Variants in PCGF3 observed in about 807,000 individuals in gnomAD.
The protein encoded by PCGF3 is polycomb group RING finger protein 3.
A neutral mutation model predicts 33.1 loss-of-function variants in PCGF3; 7 were observed. The observed-to-expected ratio is 0.21, with a 90% CI of 0.12 to 0.40. The LOEUF is 0.40. Ranked by LOEUF, PCGF3 falls within the 10% of genes least tolerant of loss-of-function variation. The probability of loss-of-function intolerance (pLI) is 1.00; values close to 1 mark genes in which losing one functional copy is unlikely to be tolerated. For synonymous variants in PCGF3, 153 were observed against 121.3 expected, an observed-to-expected ratio of 1.26 and a Z score of -1.72; for missense variants, 211 against 313.3, an observed-to-expected ratio of 0.67 and a Z score of 2.46.
chr4:709,836 C>T (rs1189872077), intron 1 of PCGF3, among the ~76,000 whole-genome samples: 1 of 152,242 alleles, frequency 6.6e-6, no homozygotes, highest in Non-Finnish European at 1.5e-5. Context: ...CCTGCGTGGT[C>T]AGCCTGGACC....
exon 7 of PCGF3, chr4:743,501 A>C: frequency 6.2e-7 from 1 of 1,613,082 alleles, no homozygotes; most frequent in South Asian, 1.1e-5. Context: ...AGGGAGTTCT[A>C]TCACAAATTG....
chr4:768,744 C>T (rs1196820610), exon 11 of PCGF3: 1 of 152,414 alleles, frequency 6.6e-6, no homozygotes, highest in African/African-American at 2.4e-5. Flanking sequence ...TCATATTTTC[C>T]CATCCAATTG....
At chr4:708,165 C>T (rs1285139884) in intron 1 of PCGF3, among the ~76,000 whole-genome samples, 1 of 152,124 alleles carries the variant, frequency 6.6e-6, no homozygotes, top group Non-Finnish European at 1.5e-5. Flanking sequence ...GAGAAGGGCT[C>T]ATGACATGGA....
chr4:717,350 G>T (rs1203028607), intron 1 of PCGF3, among the ~76,000 whole-genome samples: 1 of 151,862 alleles, frequency 6.6e-6, no homozygotes, highest in Non-Finnish European at 1.5e-5. Context: ...GTGAGAACTG[G>T]GTGTCAGTGC....
At chr4:743,356 A>G (rs982239434) in intron 6 of PCGF3, 118 bp from the exon 7 acceptor site, 22 of 650,076 alleles carry the variant, frequency 3.4e-5, no homozygotes, top group Non-Finnish European at 6.1e-5. Context: ...CTTTCTTATT[A>G]GTAGCCTTCA....
chr4:758,450 C>T (rs1379402320), intron 8 of PCGF3, among the ~76,000 whole-genome samples: 1 of 140,460 alleles, frequency 7.1e-6, no homozygotes, highest in Non-Finnish European at 1.6e-5. Flanking sequence ...TCTTCTCCTT[C>T]CGGACTCCGG....
In PCGF3 at chr4:720,416, G is replaced by C. The variant is rs921736170; in HGVS notation, c.-189-10214G>C. ...AGAGCAGCAGAGTGGTTTCAGCTCC[G>C]GGAGGTGGGGCTGCCCGTCCAGAGA... On this transcript the variant is annotated intron_variant, in intron 1 of 10. Transcript: ENST00000362003. This position sits in a 1 kb window ranked among gnomAD's most constrained non-coding sequence, Gnocchi z 5.6. Among the ~76,000 whole-genome samples the C allele has an allele frequency of 6.6e-6, 1 of 152,140 alleles. No homozygotes were observed. The highest frequency in any genetic ancestry group is 2.4e-5 in the African/African-American group (1 of 41,418).
chr4:709,216 G>A (rs1052698201), intron 1 of PCGF3, among the ~76,000 whole-genome samples: 4 of 151,658 alleles, frequency 2.6e-5, no homozygotes, highest in African/African-American at 7.3e-5. Context: ...ATGCATGAAC[G>A]AATGAAAGGC....
At chr4:712,288 A>G (rs1449135024) in intron 1 of PCGF3, among the ~76,000 whole-genome samples, 2 of 152,264 alleles carry the variant, frequency 1.3e-5, no homozygotes, top group African/African-American at 4.8e-5. Context: ...AATGTTGCCT[A>G]GGTGCATTTT....
chr4:719,856 C>T (rs573620619), intron 1 of PCGF3, among the ~76,000 whole-genome samples: 5 of 152,292 alleles, frequency 3.3e-5, no homozygotes, highest in African/African-American at 1.2e-4. Context: ...GGGACCCTAG[C>T]CCAGCTCCTC....
At chr4:706,932 A>G (rs1214703970) in intron 1 of PCGF3, among the ~76,000 whole-genome samples, 200 of 99,428 alleles carry the variant, frequency 2.0e-3, no homozygotes, top group Admixed American at 3.2e-3. Flanking sequence ...AGGTGAGGGC[A>G]AAGACCCCAG....
chr4:737,920 G>A (rs1474683975), intron 6 of PCGF3, among the ~76,000 whole-genome samples: 9 of 152,186 alleles, frequency 5.9e-5, no homozygotes. Flanking sequence ...CGGGTAGCTG[G>A]TGTTTCTAGA....
chr4:760,296 C>T (rs982890225), intron 8 of PCGF3, among the ~76,000 whole-genome samples: 14 of 152,180 alleles, frequency 9.2e-5, no homozygotes, highest in Admixed American at 2.6e-4. Context: ...CCCGTCTTCT[C>T]CCCTTTCTCT....
At chr4:715,388 C>G (rs868041789) in intron 1 of PCGF3, among the ~76,000 whole-genome samples, 4 of 137,406 alleles carry the variant, frequency 2.9e-5, no homozygotes, top group African/African-American at 5.5e-5. Flanking sequence ...AACCGGGCAT[C>G]GGTGCTGGGA....
chr4:716,119 A>G, intron 1 of PCGF3, among the ~76,000 whole-genome samples: 1 of 112,670 alleles, frequency 8.9e-6, no homozygotes, highest in Non-Finnish European at 2.0e-5. Flanking sequence ...ACTGAGGGTG[A>G]GAACTGGGTG....
intron 5 of PCGF3, among the ~76,000 whole-genome samples, chr4:736,507 G>A (rs1417994354): frequency 6.9e-6 from 1 of 145,748 alleles, no homozygotes; most frequent in Non-Finnish European, 1.5e-5. Flanking sequence ...GGTGTCCGCA[G>A]GGACGGTGTC....
intron 1 of PCGF3, among the ~76,000 whole-genome samples, chr4:723,073 C>T (rs1001359751): frequency 2.8e-5 from 4 of 144,362 alleles, no homozygotes; most frequent in Non-Finnish European, 6.0e-5. Context: ...GGTCCACACT[C>T]GCGTCATCGC....
exon 11 of PCGF3, chr4:767,610 C>T (rs944984745): frequency 2.0e-5 from 3 of 152,110 alleles, no homozygotes; most frequent in Admixed American, 1.3e-4. Context: ...GCTCAAGAGA[C>T]CTTATCTTAG....
rs550438204 is a variant in PCGF3 at position 740,602 on chromosome 4, C to T, written c.263-2872C>T. ...TGCCTGTCACCTCTTGCTTTAGAAA[C>T]GTGGGGGCCGGACACAGTGTCTCAT... On this transcript the variant is annotated intron_variant, in intron 6 of 10. Coordinates refer to ENST00000362003, the Ensembl canonical transcript of PCGF3. 1.4e-3 allele frequency among the ~76,000 whole-genome samples: 215 copies of T among 152,184 alleles called. 1 individual carries two copies. Among genetic ancestry groups the T allele is most frequent in the South Asian group, 3.1e-3 (15 of 4,822 alleles).
Sources: gnomAD v4.1 joint callset for allele counts (sites outside exome capture counted in the v4.1 genomes callset) on GRCh38, gnomAD v4.1.1 for gene constraint, Gnocchi (gnomAD v3.1) non-coding constraint, MANE v1.5 for transcripts, NCBI Gene and HGNC (gene_info 2026-07-23, HGNC 2026-07-21) for gene names.